Variants in EFCAB7 observed in about 807,000 individuals in gnomAD.
EFCAB7 encodes EF-hand calcium binding domain 7, also known as EF-hand calcium-binding domain-containing protein 7.
EFCAB7 carries 66 observed loss-of-function variants against 77.1 expected under a neutral mutation model. The observed-to-expected ratio is 0.86, with a 90% CI of 0.70 to 1.05. The LOEUF (loss-of-function observed/expected upper bound fraction) is 1.05. Ranked by LOEUF, EFCAB7 falls within the 50% of genes least tolerant of loss-of-function variation. The pLI, the probability that EFCAB7 is intolerant of heterozygous loss-of-function variation, is 0.00. For missense variants in EFCAB7, 638 were observed against 730.5 expected (o/e 0.87, Z 1.46); for synonymous variants, 225 against 243.3 (o/e 0.92, Z 0.70).
chr1:63,566,065 T>C (rs796765849), intron 11 of EFCAB7, among the ~76,000 whole-genome samples: 14 of 152,318 alleles, frequency 9.2e-5, no homozygotes, highest in African/African-American at 3.4e-4. Flanking sequence ...ATTGCAGCAC[T>C]ATTCACAGTA....
the EFCAB7 span, among the ~76,000 whole-genome samples, chr1:63,584,833 T>TG: frequency 6.6e-6 from 1 of 152,204 alleles, no homozygotes; most frequent in Non-Finnish European, 1.5e-5. Context: ...TAGTTAAGTT[T>TG]GGGGGGAGTC....
chr1:63,549,356 A>T (rs1442184011), intron 7 of EFCAB7: 3 of 470,780 alleles, frequency 6.4e-6, no homozygotes, highest in Non-Finnish European at 1.3e-5. Flanking sequence ...AATGTTTGTA[A>T]ATTCTGCTTT....
At chr1:63,542,394 G>A (rs1317277369) in intron 6 of EFCAB7, among the ~76,000 whole-genome samples, 2 of 152,102 alleles carry the variant, frequency 1.3e-5, no homozygotes, top group African/African-American at 4.8e-5. Flanking sequence ...TGGCTATTGT[G>A]AGCAGTAATG....
At chr1:63,566,734 T>C (rs978605199) in intron 11 of EFCAB7, among the ~76,000 whole-genome samples, 7 of 151,696 alleles carry the variant, frequency 4.6e-5, no homozygotes, top group African/African-American at 1.7e-4. Context: ...AAAGGTGATG[T>C]GTATGAAAAA....
intron 8 of EFCAB7, among the ~76,000 whole-genome samples, chr1:63,552,973 CTCTTA>C (rs146734661): frequency 0.018 from 2,744 of 152,046 alleles, 71 homozygotes; most frequent in African/African-American, 0.063. Context: ...TAAAATTACT[CTCTTA>C]TGAGATTGCA....
At chr1:63,555,610 C>T (rs920088366) in intron 9 of EFCAB7, 95 bp downstream of exon 9, 236 of 1,035,514 alleles carry the variant, frequency 2.3e-4, no homozygotes, top group Non-Finnish European at 3.1e-4. Flanking sequence ...CCACCCCCAT[C>T]CTCAGATTCT....
At chr1:63,569,784 C>T (rs1647214113) in intron 12 of EFCAB7, 2 of 152,076 alleles carry the variant, frequency 1.3e-5, no homozygotes, top group African/African-American at 4.8e-5. Context: ...AGCTTGGGTC[C>T]CCACCTAGTA....
the EFCAB7 span, among the ~76,000 whole-genome samples, chr1:63,577,850 A>T: frequency 6.6e-6 from 1 of 152,190 alleles, no homozygotes; most frequent in African/African-American, 2.4e-5. Flanking sequence ...AATTTAGAGG[A>T]TGTAGATGAA....
intron 6 of EFCAB7, among the ~76,000 whole-genome samples, chr1:63,540,523 C>G (rs760609356): frequency 6.6e-6 from 1 of 152,076 alleles, no homozygotes; most frequent in Non-Finnish European, 1.5e-5. Context: ...GTCTTGGACT[C>G]TAGACCTAAT....
chr1:63,564,574 T>C (rs912885784), intron 11 of EFCAB7, among the ~76,000 whole-genome samples: 2 of 152,054 alleles, frequency 1.3e-5, no homozygotes, highest in African/African-American at 4.8e-5. Context: ...CACAAACAAA[T>C]GGAAAAACAT....
rs182073150 is a variant in EFCAB7, at chr1:63,560,048, C to G, written c.1349-1661C>G. Reference sequence around the variant, plus strand: ...TTGGCTCACTGCAAGCTTCACCTCCCGGGTTCACGCCATTCTGCCTCAGCC... The same window carrying G: ...TTGGCTCACTGCAAGCTTCACCTCCGGGGTTCACGCCATTCTGCCTCAGCC... On this transcript the variant is annotated intron_variant, in intron 10 of 13. Coordinates refer to ENST00000371088, the MANE Select transcript of EFCAB7 (RefSeq NM_032437.4). Among the ~76,000 whole-genome samples, 5 of 152,076 alleles carry G rather than the reference C, an allele frequency of 3.3e-5. No homozygotes were observed. In the South Asian group the frequency reaches 1.0e-3, roughly 32 times the overall value.
the EFCAB7 span, among the ~76,000 whole-genome samples, chr1:63,580,767 T>C: frequency 1.3e-5 from 2 of 152,180 alleles, no homozygotes; most frequent in African/African-American, 4.8e-5. Flanking sequence ...ATTTTGTAGT[T>C]TTCAGCATAC....
At position 63,533,629 on chromosome 1, in the gene EFCAB7, C is replaced by A. The variant is rs1403008892; in HGVS notation, c.662C>A (p.Pro221Gln). ...PSPKITRKTD[P>Q]ETFLNKGDTR... ...CCTAAAATCACAAGAAAAACTGATC[C>A]AGAAACATTCTTAAATAAAGGTATT... Residue 221 changes from proline (P) to glutamine (Q), a missense_variant, in exon 5 of 14, where the codon CCA becomes CAA. Coordinates refer to ENST00000371088, the MANE Select transcript of EFCAB7 (RefSeq NM_032437.4). 2 of 1,576,814 alleles carry A rather than the reference C, an allele frequency of 1.3e-6. No individual in the cohort carries two copies. The highest frequency in any genetic ancestry group is 1.7e-6 in the Non-Finnish European group (2 of 1,166,310).
chr1:63,563,595 T>A (rs1352961682), intron 11 of EFCAB7, among the ~76,000 whole-genome samples: 3 of 152,230 alleles, frequency 2.0e-5, no homozygotes, highest in Non-Finnish European at 2.9e-5. Flanking sequence ...TTTACTGATG[T>A]GAATCCATCT....
intron 1 of EFCAB7, among the ~76,000 whole-genome samples, chr1:63,524,040 G>A (rs148883183): frequency 6.6e-6 from 1 of 152,128 alleles, no homozygotes. Flanking sequence ...CCTGCGGGGG[G>A]TGCAATTATA....
At chr1:63,547,794 T>G (rs1354321509) in intron 7 of EFCAB7, 1 of 152,220 alleles carries the variant, frequency 6.6e-6, no homozygotes, top group Non-Finnish European at 1.5e-5. Flanking sequence ...CTGGGACAAC[T>G]TGACTCAGCC....
At chr1:63,571,984 A>G (rs1352389176) in intron 13 of EFCAB7, among the ~76,000 whole-genome samples, 1 of 152,172 alleles carries the variant, frequency 6.6e-6, no homozygotes, top group African/African-American at 2.4e-5. Flanking sequence ...AGGGGTTCAA[A>G]GGCAGGGACA....
intron 6 of EFCAB7, among the ~76,000 whole-genome samples, chr1:63,542,794 T>A (rs1330120967): frequency 1.3e-5 from 2 of 152,200 alleles, no homozygotes; most frequent in Non-Finnish European, 2.9e-5. Context: ...TTTGCCCATT[T>A]AAAAAATCTG....
Position 63,534,222 on chromosome 1 carries a change from G to A in EFCAB7, c.804+6G>A. On this transcript the variant is annotated splice_donor_region_variant and intron_variant, in intron 6 of 13. Coordinates refer to ENST00000371088, the MANE Select transcript of EFCAB7 (RefSeq NM_032437.4). Reference sequence around the variant, plus strand: ...TGGAGCCAAATTTAATAAAGGTATAGTATTTTAAGTTAACAGATGACTTTT... The same window carrying A: ...TGGAGCCAAATTTAATAAAGGTATAATATTTTAAGTTAACAGATGACTTTT... 1 of 1,606,918 alleles carries A rather than the reference G, an allele frequency of 6.2e-7. No homozygotes were observed.
Sources: gnomAD v4.1 joint callset for allele counts (sites outside exome capture counted in the v4.1 genomes callset) on GRCh38, gnomAD v4.1.1 for gene constraint, MANE v1.5 for transcripts, NCBI Gene and HGNC (gene_info 2026-07-23, HGNC 2026-07-21) for gene names.